The following GABRR2 variants were observed in gnomAD, a reference collection of about 807,000 sequenced individuals.
GABRR2 encodes gamma-aminobutyric acid type A receptor subunit rho2.
A neutral mutation model predicts 47.0 loss-of-function variants in GABRR2; 36 were observed. The observed-to-expected ratio is 0.77, with a 90% CI of 0.59 to 1.01. GABRR2 has a LOEUF of 1.01. Among genes scored for constraint, GABRR2 ranks in the 50% least tolerant of loss-of-function variants. The probability of loss-of-function intolerance (pLI) is 0.00; values close to 1 mark genes in which losing one functional copy is unlikely to be tolerated. For missense variants in GABRR2, 587 were observed against 594.6 expected, an observed-to-expected ratio of 0.99 and a Z score of 0.13; for synonymous variants, 204 against 227.5, an observed-to-expected ratio of 0.90 and a Z score of 0.93.
intron 1 of GABRR2, chr6:89,302,660 G>A (rs1767476362): frequency 2.3e-6 from 3 of 1,293,726 alleles, no homozygotes; most frequent in Non-Finnish European, 3.2e-6. Flanking sequence ...CCAAGAACAT[G>A]ATGGCTGCCC....
At chr6:89,261,928 A>C (rs1429418814) in intron 8 of GABRR2, among the ~76,000 whole-genome samples, 5 of 151,980 alleles carry the variant, frequency 3.3e-5, no homozygotes. Context: ...GGTCCCAGCT[A>C]CTTGGGAGGC....
intron 2 of GABRR2, among the ~76,000 whole-genome samples, chr6:89,274,123 C>T (rs1011689396): frequency 1.3e-5 from 2 of 152,370 alleles, no homozygotes; most frequent in Admixed American, 6.5e-5. Context: ...CTCTTCAGAG[C>T]TCCAGTGCCC....
chr6:89,304,174 A>G (rs986948427), intron 1 of GABRR2, among the ~76,000 whole-genome samples: 3 of 152,240 alleles, frequency 2.0e-5, no homozygotes, highest in African/African-American at 7.2e-5. Context: ...ACCCTACAGA[A>G]TGGGAGAAAA....
chr6:89,264,194 C>T (rs955538511), intron 8 of GABRR2, among the ~76,000 whole-genome samples: 1 of 152,158 alleles, frequency 6.6e-6, no homozygotes, highest in African/African-American at 2.4e-5. Context: ...GAGTCTGAGA[C>T]CCAAGTCTTC....
chr6:89,261,261 T>C (rs945812573), intron 8 of GABRR2, among the ~76,000 whole-genome samples: 2 of 152,240 alleles, frequency 1.3e-5, no homozygotes, highest in Non-Finnish European at 2.9e-5. Flanking sequence ...CCTGTGATAA[T>C]GGTCAGTGTA....
intron 2 of GABRR2, among the ~76,000 whole-genome samples, chr6:89,294,205 C>T (rs547218744): frequency 8.5e-5 from 13 of 152,264 alleles, no homozygotes; most frequent in Admixed American, 4.6e-4. Flanking sequence ...AGTGCAGTGG[C>T]GCAATCTCGG....
intron 2 of GABRR2, among the ~76,000 whole-genome samples, chr6:89,287,509 C>T (rs757321003): frequency 2.0e-5 from 3 of 152,246 alleles, no homozygotes; most frequent in Admixed American, 6.5e-5. Flanking sequence ...GTCATGTCTG[C>T]GTCTGGAGCC....
intron 2 of GABRR2, among the ~76,000 whole-genome samples, chr6:89,297,904 C>A (rs1321877576): frequency 6.6e-6 from 1 of 152,176 alleles, no homozygotes. Flanking sequence ...ATTGTGTTTC[C>A]TAGCCACTGT....
intron 2 of GABRR2, among the ~76,000 whole-genome samples, chr6:89,292,347 TATATATA>T (rs1774457978): frequency 4.1e-3 from 11 of 2,712 alleles, no homozygotes; most frequent in Non-Finnish European, 1.4e-3. Flanking sequence ...AAAAAAATTT[TATATATA>T]TATATATATA....
chr6:89,300,064 G>T (rs1370171178), intron 1 of GABRR2, among the ~76,000 whole-genome samples, 199 bp from the exon 2 acceptor site: 2 of 152,198 alleles, frequency 1.3e-5, no homozygotes, highest in Admixed American at 6.5e-5. Flanking sequence ...TGAGGACCAG[G>T]TTCTTCTGGA....
rs1582426169 is a variant in GABRR2, at chr6:89,256,279, C to T, written c.*1391G>A. The stretch of plus-strand genomic sequence containing the variant: ...TTCCTCCCTTGGAATTCCCATCTCA[C>T]ACTGAACTATTACTGAGGCACTAAA... On this transcript the variant is annotated 3_prime_UTR_variant, in exon 9 of 9. Coordinates refer to ENST00000402938, the MANE Select transcript of GABRR2 (RefSeq NM_002043.5). Among the ~76,000 whole-genome samples the T allele has an allele frequency of 6.6e-6, 1 of 151,532 alleles. No homozygotes were observed. The highest frequency in any genetic ancestry group is 1.9e-4 in the East Asian group (1 of 5,172).
At chr6:89,258,247 T>C (rs1362172023) in intron 8 of GABRR2, among the ~76,000 whole-genome samples, 1 of 152,206 alleles carries the variant, frequency 6.6e-6, no homozygotes, top group Non-Finnish European at 1.5e-5. Context: ...GTAGCCAGAA[T>C]TGAGAATCAC....
chr6:89,298,576 G>A (rs191454359), intron 2 of GABRR2, among the ~76,000 whole-genome samples: 26 of 152,310 alleles, frequency 1.7e-4, no homozygotes, highest in African/African-American at 5.8e-4. Context: ...AAGCCAGCCC[G>A]CCTGGGTCTG....
intron 2 of GABRR2, among the ~76,000 whole-genome samples, chr6:89,280,346 T>A (rs996781260): frequency 6.6e-6 from 1 of 151,432 alleles, no homozygotes; most frequent in Non-Finnish European, 1.5e-5. Flanking sequence ...GGACAGAGCC[T>A]GAGGCTCTTA....
In GABRR2 at chr6:89,265,701, T is replaced by C. The variant is rs760988866; in HGVS notation, c.801A>G (p.Gln267=). The part of the protein sequence containing the change: ...LRRHIFFFLL[Q]TYFPATLMVM... ...CCATCAGAGTGGCAGGGAAATATGTTTGGAGCAAGAAGAAGAAGATGTGGC... is the reference window on the plus strand; with the variant it reads ...CCATCAGAGTGGCAGGGAAATATGTCTGGAGCAAGAAGAAGAAGATGTGGC... The change falls in exon 7 of 9, where the codon CAA becomes CAG. Residue 267 remains glutamine (Q), a synonymous_variant. Transcript: ENST00000402938. The C allele has an allele frequency of 1.2e-6, 2 of 1,613,862 alleles. No individual in the cohort carries two copies. Among genetic ancestry groups the C allele is most frequent in the African/African-American group, 2.7e-5 (2 of 74,828 alleles).
In GABRR2 at chr6:89,293,243, A is replaced by T. The variant is rs976003028; in HGVS notation, c.220+6516T>A. ...AATTCCTATATGATGTTGTTAGAAT[A>T]GTCAATTATGGAGACAGAAAGTTGA... On this transcript the variant is annotated intron_variant, in intron 2 of 8. Transcript: ENST00000402938. Among the ~76,000 whole-genome samples the T allele has an allele frequency of 1.6e-4, 24 of 152,212 alleles. 1 individual carries two copies. Among genetic ancestry groups the T allele is most frequent in the Admixed American group, 1.3e-4 (2 of 15,278 alleles).
intron 2 of GABRR2, among the ~76,000 whole-genome samples, chr6:89,280,065 C>T (rs140831122): frequency 6.6e-5 from 10 of 151,926 alleles, no homozygotes; most frequent in African/African-American, 2.2e-4. Flanking sequence ...CAAGAATTAG[C>T]CAGGTGTGGG....
At chr6:89,296,553 G>T (rs1284850376) in intron 2 of GABRR2, among the ~76,000 whole-genome samples, 2 of 152,214 alleles carry the variant, frequency 1.3e-5, no homozygotes, top group Admixed American at 6.5e-5. Flanking sequence ...TATGGAAGGT[G>T]ATGCCTCTTT....
At chr6:89,287,055 G>T (rs779169441) in intron 2 of GABRR2, among the ~76,000 whole-genome samples, 13 of 152,180 alleles carry the variant, frequency 8.5e-5, no homozygotes, top group Non-Finnish European at 5.9e-5. Flanking sequence ...CAAAAAGGAG[G>T]CTGCTGCCCC....
Sources: allele counts gnomAD v4.1 joint callset (sites outside exome capture counted in the v4.1 genomes callset), GRCh38; gene constraint gnomAD v4.1.1; transcripts MANE v1.5; gene names NCBI Gene and HGNC (gene_info 2026-07-23, HGNC 2026-07-21).